The following TANC2 variants were observed in gnomAD, a reference collection of about 807,000 sequenced individuals.
TANC2 encodes protein TANC2.
Under a neutral mutation model 210.5 loss-of-function variants are expected in TANC2, and 26 were observed. The observed-to-expected ratio is 0.12, with a 90% CI of 0.09 to 0.17. The LOEUF (loss-of-function observed/expected upper bound fraction) is 0.17, where lower values mean the gene tolerates loss of function less well. Among genes scored for constraint, TANC2 ranks in the 10% least tolerant of loss-of-function variants. TANC2 has a pLI of 1.00. For synonymous variants in TANC2, 931 were observed against 967.1 expected, an observed-to-expected ratio of 0.96 and a Z score of 0.69; for missense variants, 2,129 against 2,608.9, an observed-to-expected ratio of 0.82 and a Z score of 4.01.
At chr17:63,338,386 T>C (rs2046109322) in intron 11 of TANC2, among the ~76,000 whole-genome samples, 1 of 152,206 alleles carries the variant, frequency 6.6e-6, no homozygotes, top group Non-Finnish European at 1.5e-5. Flanking sequence ...TATCACAATT[T>C]TTATCTTTAA....
At chr17:63,334,620 G>C (rs766151861) in intron 11 of TANC2, among the ~76,000 whole-genome samples, 2 of 152,048 alleles carry the variant, frequency 1.3e-5, no homozygotes, top group Non-Finnish European at 2.9e-5. Flanking sequence ...TAAAATTAAT[G>C]GGCAAAAGTT....
At chr17:63,104,194 C>T (rs1246641534) in intron 4 of TANC2, among the ~76,000 whole-genome samples, 1 of 152,050 alleles carries the variant, frequency 6.6e-6, no homozygotes, top group Admixed American at 6.6e-5. Flanking sequence ...TATTGCTGTG[C>T]TTTGGGGGCG....
chr17:63,321,802 C>T (rs1302249296), intron 11 of TANC2, among the ~76,000 whole-genome samples: 1 of 152,146 alleles, frequency 6.6e-6, no homozygotes, highest in Non-Finnish European at 1.5e-5. Context: ...CTCTAGTTCT[C>T]TTTCCTGTGG....
At chr17:63,352,683 G>T (rs1045485656) in intron 13 of TANC2, among the ~76,000 whole-genome samples, 5 of 152,078 alleles carry the variant, frequency 3.3e-5, no homozygotes, top group African/African-American at 7.2e-5. Context: ...TTTTTCAGCT[G>T]TGCCAACAGA....
At chr17:63,011,363 C>G (rs925233140) in intron 2 of TANC2, among the ~76,000 whole-genome samples, 6 of 151,990 alleles carry the variant, frequency 3.9e-5, no homozygotes, top group African/African-American at 1.4e-4. Context: ...TACAGTTAAT[C>G]ATATGGTCAG....
chr17:63,064,296 A>C (rs962156000), intron 2 of TANC2, among the ~76,000 whole-genome samples: 2 of 152,052 alleles, frequency 1.3e-5, no homozygotes, highest in Admixed American at 1.3e-4. Flanking sequence ...TTCTTTACAA[A>C]AATTACAAAA....
At chr17:63,029,515 T>C (rs1020564032) in intron 2 of TANC2, among the ~76,000 whole-genome samples, 1 of 152,164 alleles carries the variant, frequency 6.6e-6, no homozygotes, top group Non-Finnish European at 1.5e-5. Flanking sequence ...TTCAATCATT[T>C]TGAAATAATT....
chr17:63,389,776 C>T (rs953926148), intron 17 of TANC2: 7 of 527,930 alleles, frequency 1.3e-5, no homozygotes, highest in African/African-American at 1.9e-5. Context: ...TGCATTTATC[C>T]GTAACCACAA....
At chr17:63,333,772 A>G (rs1282419522) in intron 11 of TANC2, among the ~76,000 whole-genome samples, 1 of 152,162 alleles carries the variant, frequency 6.6e-6, no homozygotes, top group African/African-American at 2.4e-5. Flanking sequence ...AGCAGTTGCC[A>G]CAGTCACCCA....
At chr17:63,288,259 T>C (rs764956180) in intron 9 of TANC2, among the ~76,000 whole-genome samples, 4 of 152,214 alleles carry the variant, frequency 2.6e-5, no homozygotes, top group Non-Finnish European at 5.9e-5. Context: ...CCTCCTCAAG[T>C]AAGGGAATGT....
Position 63,373,600 on chromosome 17 carries a change from A to G in TANC2, c.2583-6118A>G, listed in dbSNP as rs115823526. Among the ~76,000 whole-genome samples the G allele has an allele frequency of 4.3e-3, 654 of 152,344 alleles. 6 individuals carry two copies. The highest frequency in any genetic ancestry group is 0.014 in the African/African-American group (569 of 41,562). On this transcript the variant is annotated intron_variant, in intron 14 of 27. Transcript: ENST00000689528. ...CTGGGTCTGTCCCTCAATCTTGCTTAGTCTCTGTCAATCCTCTACCATAAT... is the reference window on the plus strand; with the variant it reads ...CTGGGTCTGTCCCTCAATCTTGCTTGGTCTCTGTCAATCCTCTACCATAAT...
intron 3 of TANC2, among the ~76,000 whole-genome samples, chr17:63,096,619 T>C (rs2037396579): frequency 6.6e-6 from 1 of 152,202 alleles, no homozygotes; most frequent in African/African-American, 2.4e-5. Context: ...ATTGTATAAA[T>C]ATGCCACATT....
At chr17:63,099,481 G>T in intron 4 of TANC2, 124 bp downstream of exon 4, 3 of 536,378 alleles carry the variant, frequency 5.6e-6, no homozygotes, top group Admixed American at 3.8e-5. Flanking sequence ...TAATGTCACA[G>T]ACTCTTGACA....
Position 63,024,436 on chromosome 17 carries a change from C to T in TANC2, c.67+14810C>T, listed in dbSNP as rs376568297. ...GTGGGCATGTAGCAGTGAGGATGCC[C>T]AGAGGTCACTCTCATTGCCATCTTG... On this transcript the variant is annotated intron_variant, in intron 2 of 27. Coordinates refer to ENST00000689528, the Ensembl canonical transcript of TANC2. 2.6e-5 allele frequency among the ~76,000 whole-genome samples: 4 copies of T among 152,294 alleles called. No individual in the cohort carries two copies. The East Asian group carries it at 5.8e-4, about 22-fold the overall frequency.
intron 13 of TANC2, 120 bp from the exon 14 acceptor site, chr17:63,354,663 C>T: frequency 7.6e-7 from 1 of 1,310,156 alleles, no homozygotes; most frequent in Non-Finnish European, 1.0e-6. Flanking sequence ...AATACTTGAT[C>T]ATGTTTCCCT....
chr17:63,340,550 T>C (rs1042025266), intron 12 of TANC2, among the ~76,000 whole-genome samples: 7 of 152,208 alleles, frequency 4.6e-5, no homozygotes, highest in Non-Finnish European at 1.0e-4. Flanking sequence ...AAAATTCTTA[T>C]TCTTATTTCC....
chr17:63,055,988 AAAAT>A (rs1421644498), intron 2 of TANC2, among the ~76,000 whole-genome samples: 1 of 8,982 alleles, frequency 1.1e-4, no homozygotes, highest in Non-Finnish European at 2.7e-4. Flanking sequence ...AAAAAAAAAA[AAAAT>A]ATATATATAT....
At chr17:63,113,534 G>T (rs914500442) in intron 4 of TANC2, among the ~76,000 whole-genome samples, 2 of 152,158 alleles carry the variant, frequency 1.3e-5, no homozygotes, top group African/African-American at 4.8e-5. Flanking sequence ...AAGACACAGA[G>T]TCCTGCTTTG....
intron 8 of TANC2, among the ~76,000 whole-genome samples, chr17:63,263,100 G>T (rs759274928): frequency 6.6e-6 from 1 of 152,050 alleles, no homozygotes; most frequent in Non-Finnish European, 1.5e-5. Context: ...TAACTAAGAC[G>T]GGAAACATAA....
Sources: gnomAD v4.1 joint callset for allele counts (sites outside exome capture counted in the v4.1 genomes callset) on GRCh38, gnomAD v4.1.1 for gene constraint, MANE v1.5 for transcripts, NCBI Gene and HGNC (gene_info 2026-07-23, HGNC 2026-07-21) for gene names.